The following ARHGAP11A variants were observed in gnomAD, a reference collection of about 807,000 sequenced individuals.
ARHGAP11A encodes the protein Rho GTPase activating protein 11A, also known as rho GTPase-activating protein 11A.
In ARHGAP11A, 36 loss-of-function variants were observed where a neutral mutation model predicts 60.5. The ratio of observed to expected loss-of-function variants is 0.59; its 90% CI spans 0.46 to 0.79. The LOEUF (loss-of-function observed/expected upper bound fraction) is 0.79, where lower values mean the gene tolerates loss of function less well. Among genes scored for constraint, ARHGAP11A ranks in the 30% least tolerant of loss-of-function variants. The probability of loss-of-function intolerance (pLI) is 0.00; values close to 1 mark genes in which losing one functional copy is unlikely to be tolerated. For synonymous variants in ARHGAP11A, 362 were observed against 415.5 expected (o/e 0.87, Z 1.57); for missense variants, 1,071 against 1,199.2 (o/e 0.89, Z 1.58).
Position 32,625,127 on chromosome 15 carries a change from C to G in ARHGAP11A, c.599C>G (p.Ala200Gly). ...MDSSNLAVIF[A>G]PNLLQTSEGH... Reference sequence around the variant, plus strand: ...AGCAGCAATCTTGCAGTAATATTTGCACCGAATCTTCTTCAGACAAGTGAA... The same window carrying G: ...AGCAGCAATCTTGCAGTAATATTTGGACCGAATCTTCTTCAGACAAGTGAA... Residue 200 changes from alanine to glycine, a missense_variant, in exon 5 of 12, where the codon GCA becomes GGA. Physicochemically the swap from Ala to Gly is moderately conservative, Grantham distance 60 (BLOSUM62 0). Transcript: ENST00000361627. 6.2e-7 allele frequency: 1 copy of G among 1,613,894 alleles called. No homozygotes were observed. The highest frequency in any genetic ancestry group is 8.5e-7 in the Non-Finnish European group (1 of 1,179,814).
Position 32,637,054 on chromosome 15 carries a change from T to A in ARHGAP11A, c.2281T>A (p.Ser761Thr). Residue 761 changes from serine (S) to threonine (T), a missense_variant, in exon 12 of 12, where the codon TCC becomes ACC. This residue lies in a region of ARHGAP11A where 776 missense variants were observed against 760.2 expected (regional missense o/e 1.02). Coordinates refer to ENST00000361627, the MANE Select transcript of ARHGAP11A (RefSeq NM_014783.6). The part of the protein sequence containing the change: ...CAAHSKDEAR[S>T]SFSQQSTCVV... Reference sequence around the variant, plus strand: ...AGCACATAGCAAGGACGAGGCTAGATCCTCTTTCTCACAGCAGAGTACATG... The same window carrying A: ...AGCACATAGCAAGGACGAGGCTAGAACCTCTTTCTCACAGCAGAGTACATG... The A allele has an allele frequency of 6.2e-7, 1 of 1,613,942 alleles. No homozygotes were observed.
In ARHGAP11A at chr15:32,625,631, G is replaced by T; in HGVS notation, c.860G>T (p.Gly287Val). Residue 287 changes from glycine (G) to valine (V), a missense_variant and splice_region_variant, in exon 6 of 12, where the codon GGA (glycine) becomes GTA (valine). Gly to Val is a moderately radical substitution (Grantham distance 109, BLOSUM62 -3). Transcript: ENST00000361627. ...AAGAGAAAGAGAAGACAAAGTGTAG[G>T]AGGTAAGTGGCGGTCCCATTTTATG... The part of the protein sequence containing the change: ...EYKRKRRQSV[G>V]DFVSGALNKF... 1 of 1,613,904 alleles carries T rather than the reference G, an allele frequency of 6.2e-7. No homozygotes were observed. Among genetic ancestry groups the T allele is most frequent in the Non-Finnish European group, 8.5e-7 (1 of 1,179,814 alleles).
rs1182723879 is a variant in ARHGAP11A at position 32,638,435 on chromosome 15, T to A, written c.*590T>A. The stretch of plus-strand genomic sequence containing the variant: ...AAGAAGTTAATTTTTGAAAATGACA[T>A]ATTTTTGTGTGATAGAAAGAATGGA... On this transcript the variant is annotated 3_prime_UTR_variant, in exon 12 of 12. Transcript: ENST00000361627. 1 of 152,224 alleles carries A rather than the reference T, an allele frequency of 6.6e-6. No individual in the cohort carries two copies. Among genetic ancestry groups the A allele is most frequent in the African/African-American group, 2.4e-5 (1 of 41,450 alleles). The allele number at this position is 152,224 out of a possible 1,614,324, so 9.4% of individuals were successfully genotyped here.
At chr15:32,632,654 G>A (rs2053611278) in intron 8 of ARHGAP11A, among the ~76,000 whole-genome samples, 1 of 152,110 alleles carries the variant, frequency 6.6e-6, no homozygotes, top group African/African-American at 2.4e-5. Flanking sequence ...GCAAACTCAA[G>A]CCTGTCTCCA....
At position 32,624,215 on chromosome 15, in the gene ARHGAP11A, C is replaced by G. The variant is rs138288687; in HGVS notation, c.340C>G (p.Pro114Ala). Residue 114 changes from proline (P) to alanine (A), a missense_variant, in exon 4 of 12, where the codon CCT (proline) becomes GCT (alanine). Transcript: ENST00000361627. ...HGEGCLSSAP[P>A]CDIAGLLKQF... The stretch of plus-strand genomic sequence containing the variant: ...TGAAGGTTGCCTATCTTCTGCACCT[C>G]CTTGTGATATTGCGGGACTTCTTAA... 2.9e-5 allele frequency: 47 copies of G among 1,612,278 alleles called. No homozygotes were observed. In the African/African-American group the frequency reaches 5.0e-4, roughly 17 times the overall value.
intron 9 of ARHGAP11A, 65 bp downstream of exon 9, chr15:32,633,173 T>C: frequency 2.6e-6 from 4 of 1,552,016 alleles, no homozygotes; most frequent in Non-Finnish European, 3.5e-6. Context: ...ATTAATAAAA[T>C]GTTTTGTCTT....
In ARHGAP11A at chr15:32,636,724, A is replaced by G. The variant is rs561697586; in HGVS notation, c.1951A>G (p.Ile651Val). ...ENLFETNDLT[I>V]VESKEKYEHH... The stretch of plus-strand genomic sequence containing the variant: ...TCTATTTGAAACTAATGATTTGACT[A>G]TAGTAGAATCAAAGGAGAAATATGA... Residue 651 changes from isoleucine to valine, a missense_variant, in exon 12 of 12, where the codon ATA becomes GTA. By Grantham distance (29) the Ile-to-Val change is conservative. Coordinates refer to ENST00000361627, the MANE Select transcript of ARHGAP11A (RefSeq NM_014783.6). 3.0e-5 allele frequency: 49 copies of G among 1,613,870 alleles called. No homozygotes were observed. In the East Asian group the frequency reaches 5.6e-4, roughly 18 times the overall value.
chr15:32,625,522 G>T lies in ARHGAP11A; in HGVS notation c.751G>T (p.Ala251Ser), dbSNP rs1448193225. Residue 251 changes from alanine (A) to serine (S), a missense_variant, in exon 6 of 12, where the codon GCC (alanine) becomes TCC (serine). By Grantham distance (99) the Ala-to-Ser change is moderately conservative. This residue lies in a region of ARHGAP11A where 196 missense variants were observed against 272.1 expected (regional missense o/e 0.72). Transcript: ENST00000361627. ...VPDFILEKIP[A>S]MLGIDGLCAT... ...AGATTTTATCCTGGAAAAGATACCA[G>T]CCATGTTGGGTATTGATGGTCTCTG... is the stretch of plus-strand genomic sequence containing the variant. The T allele has an allele frequency of 1.1e-5, 17 of 1,613,810 alleles. No homozygotes were observed. The highest frequency in any genetic ancestry group is 1.3e-5 in the Non-Finnish European group (15 of 1,179,852).
chr15:32,634,524 T>G (rs985455262), intron 10 of ARHGAP11A, among the ~76,000 whole-genome samples: 21 of 152,254 alleles, frequency 1.4e-4, no homozygotes, highest in African/African-American at 3.9e-4. Flanking sequence ...CTGTATTTAC[T>G]TAAAACTTCC....
chr15:32,630,233 T>C (rs201089372), intron 8 of ARHGAP11A, among the ~76,000 whole-genome samples: 8,324 of 82,122 alleles, frequency 0.1, 627 homozygotes, highest in East Asian at 0.22. Context: ...AGTTTTAGAC[T>C]CAAGTACCTT....
chr15:32,622,059 G>A (rs577927767), intron 2 of ARHGAP11A, among the ~76,000 whole-genome samples: 6 of 152,410 alleles, frequency 3.9e-5, no homozygotes, highest in African/African-American at 9.6e-5. Flanking sequence ...TTAGGTAACC[G>A]CTTAACCATT....
In ARHGAP11A at chr15:32,637,411, C is replaced by T. The variant is rs765597522; in HGVS notation, c.2638C>T (p.Leu880Phe). 1.9e-6 allele frequency: 3 copies of T among 1,614,136 alleles called. No individual in the cohort carries two copies. Among genetic ancestry groups the T allele is most frequent in the Non-Finnish European group, 2.5e-6 (3 of 1,180,010 alleles). ...CAAATCAGTGAGCTGTGACGGTGCT[C>T]TTTCCTCTTGTATAGAAAGTGCATC... ...LVKSVSCDGA[L>F]SSCIESASKD... Residue 880 changes from leucine to phenylalanine, a missense_variant, in exon 12 of 12, where the codon CTT (leucine) becomes TTT (phenylalanine). Leu to Phe is a conservative substitution (Grantham distance 22). Transcript: ENST00000361627.
intron 3 of ARHGAP11A, 70 bp downstream of exon 3, chr15:32,623,658 A>G: frequency 7.3e-7 from 1 of 1,376,684 alleles, no homozygotes; most frequent in East Asian, 2.3e-5. Context: ...AAACTGAAAT[A>G]TTTAGAACTA....
chr15:32,632,523 T>G (rs1195794887), intron 8 of ARHGAP11A, among the ~76,000 whole-genome samples: 1 of 152,224 alleles, frequency 6.6e-6, no homozygotes, highest in East Asian at 1.9e-4. Flanking sequence ...TAGCTTATTT[T>G]TTATAATACC....
intron 2 of ARHGAP11A, among the ~76,000 whole-genome samples, chr15:32,621,183 C>CTTTTTTTTTTTT (rs60915388): frequency 1.6e-5 from 1 of 64,254 alleles, no homozygotes; most frequent in Non-Finnish European, 2.7e-5. Context: ...ACCTTTTATT[C>CTTTTTTTTTTTT]TTTTTTTTTT....
At chr15:32,615,219 A>G (rs1415937557), upstream of ARHGAP11A, 1 of 152,172 alleles carries the variant, frequency 6.6e-6, no homozygotes, top group African/African-American at 2.4e-5. Context: ...TGTCTTTTAT[A>G]TTTCCTCAAA....
Position 32,616,306 on chromosome 15 carries a change from G to T in ARHGAP11A, c.95G>T (p.Arg32Leu). The T allele has an allele frequency of 6.2e-7, 1 of 1,613,990 alleles. No individual in the cohort carries two copies. Among genetic ancestry groups the T allele is most frequent in the Admixed American group, 1.7e-5 (1 of 60,012 alleles). The change falls in exon 1 of 12, where the codon CGC becomes CTC. Residue 32 changes from arginine (R) to leucine (L), a missense_variant. Physicochemically the swap from Arg to Leu is moderately radical, Grantham distance 102 (BLOSUM62 -2). This residue lies in a region of ARHGAP11A where 71 missense variants were observed against 142.4 expected (regional missense o/e 0.50). Coordinates refer to ENST00000361627, the MANE Select transcript of ARHGAP11A (RefSeq NM_014783.6). ...AAGGGTGTCCGTGGGCAGTGCGATCGCAGGAGACATGAAACAGCAGCCACG... is the reference window on the plus strand; with the variant it reads ...AAGGGTGTCCGTGGGCAGTGCGATCTCAGGAGACATGAAACAGCAGCCACG... ...KVKGVRGQCD[R>L]RRHETAATEI... is the part of the protein sequence containing the mutation.
rs753150764 is a variant in ARHGAP11A, at chr15:32,637,516, G to T, written c.2743G>T (p.Ala915Ser). The change falls in exon 12 of 12, where the codon GCA becomes TCA. Residue 915 changes from alanine (A) to serine (S), a missense_variant. By Grantham distance (99) the Ala-to-Ser change is moderately conservative. Coordinates refer to ENST00000361627, the MANE Select transcript of ARHGAP11A (RefSeq NM_014783.6). ...SMSCEESNIG[A>S]ISKSSMELPS... The stretch of plus-strand genomic sequence containing the variant: ...GTCATGTGAAGAGTCAAATATTGGT[G>T]CAATTTCAAAGTCAAGCATGGAGTT... 1 of 1,613,908 alleles carries T rather than the reference G, an allele frequency of 6.2e-7. No individual in the cohort carries two copies. Among genetic ancestry groups the T allele is most frequent in the Non-Finnish European group, 8.5e-7 (1 of 1,179,986 alleles).
rs563277492 is a variant in ARHGAP11A, at chr15:32,623,294, G to T, written c.201-198G>T. On this transcript the variant is annotated intron_variant, in intron 2 of 11. Transcript: ENST00000361627. ...TTTAGTGTGCACATTGGAGTTGTTA[G>T]AAGTAAAAAGATGGGCCTTGGAGAA... is the stretch of plus-strand genomic sequence containing the variant. Among the ~76,000 whole-genome samples the T allele has an allele frequency of 6.2e-3, 952 of 152,322 alleles. 12 individuals are homozygous for T. The highest frequency in any genetic ancestry group is 0.022 in the African/African-American group (905 of 41,558).
Sources: gnomAD v4.1 joint callset for allele counts (sites outside exome capture counted in the v4.1 genomes callset) on GRCh38, gnomAD v4.1.1 for gene constraint, gnomAD v4.1.1 regional missense constraint, MANE v1.5 for transcripts, NCBI Gene and HGNC (gene_info 2026-07-23, HGNC 2026-07-21) for gene names.